The following RALGAPA1 variants were observed in gnomAD, a reference collection of about 807,000 sequenced individuals.
RALGAPA1 encodes the protein ral GTPase-activating protein subunit alpha-1.
A neutral mutation model predicts 269.6 loss-of-function variants in RALGAPA1; 52 were observed. The observed-to-expected ratio is 0.19, with a 90% CI of 0.15 to 0.24. RALGAPA1 has a LOEUF of 0.24. RALGAPA1 is among the 10% of genes least tolerant of loss of function. RALGAPA1 has a pLI of 1.00. For synonymous variants in RALGAPA1, 817 were observed against 1,008.3 expected (o/e 0.81, Z 3.60); for missense variants, 1,917 against 3,013.9 (o/e 0.64, Z 8.52).
At chr14:35,782,307 G>GA (rs1265209655) in intron 1 of RALGAPA1, among the ~76,000 whole-genome samples, 6 of 152,116 alleles carry the variant, frequency 3.9e-5, no homozygotes, top group African/African-American at 1.2e-4. Flanking sequence ...AAACATTACT[G>GA]AAAAAAATTA....
At chr14:35,620,123 C>T (rs954943554) in intron 35 of RALGAPA1, among the ~76,000 whole-genome samples, 4 of 152,208 alleles carry the variant, frequency 2.6e-5, no homozygotes, top group African/African-American at 9.6e-5. Flanking sequence ...GAAATACTGG[C>T]AAACCAAATC....
At chr14:35,592,733 C>T (rs2058712391) in intron 37 of RALGAPA1, among the ~76,000 whole-genome samples, 1 of 152,152 alleles carries the variant, frequency 6.6e-6, no homozygotes, top group African/African-American at 2.4e-5. Context: ...ACCACATTAA[C>T]AGAATAACAG....
intron 16 of RALGAPA1, among the ~76,000 whole-genome samples, chr14:35,713,504 A>C (rs1346709865): frequency 6.6e-6 from 1 of 152,224 alleles, no homozygotes; most frequent in African/African-American, 2.4e-5. Context: ...AATTAATTCT[A>C]AAAACAGTTT....
intron 31 of RALGAPA1, among the ~76,000 whole-genome samples, chr14:35,642,731 G>A (rs550029970): frequency 5.9e-5 from 9 of 152,116 alleles, no homozygotes; most frequent in Admixed American, 5.2e-4. Context: ...ACTTTTACAT[G>A]GTTGGAGTGT....
intron 35 of RALGAPA1, among the ~76,000 whole-genome samples, chr14:35,607,540 G>T (rs2059673155): frequency 1.3e-5 from 2 of 152,208 alleles, no homozygotes; most frequent in African/African-American, 4.8e-5. Context: ...ATAGGGTAGA[G>T]ATTCTGCCAG....
At chr14:35,566,172 A>T (rs1432894771) in intron 39 of RALGAPA1, among the ~76,000 whole-genome samples, 2 of 152,172 alleles carry the variant, frequency 1.3e-5, no homozygotes, top group African/African-American at 4.8e-5. Context: ...AGAAGTTGTA[A>T]GAAAATGCTT....
intron 41 of RALGAPA1, among the ~76,000 whole-genome samples, chr14:35,547,366 A>T (rs893679869): frequency 2.6e-4 from 40 of 152,142 alleles, no homozygotes; most frequent in African/African-American, 9.7e-4. Flanking sequence ...GCAGGATAAC[A>T]TGCAAAATAT....
At chr14:35,627,995 T>C (rs1169411674) in intron 33 of RALGAPA1, 44 bp from the exon 34 acceptor site, 1 of 1,509,596 alleles carries the variant, frequency 6.6e-7, no homozygotes, top group African/African-American at 1.4e-5. Context: ...TGCTGCTTCC[T>C]AGGGAATCAT....
At chr14:35,659,715 G>A (rs1261310548) in intron 27 of RALGAPA1, among the ~76,000 whole-genome samples, 1 of 151,726 alleles carries the variant, frequency 6.6e-6, no homozygotes, top group African/African-American at 2.4e-5. Flanking sequence ...GAATATAGAT[G>A]CAAAAATCCT....
intron 36 of RALGAPA1, among the ~76,000 whole-genome samples, chr14:35,600,374 T>C (rs969847833): frequency 2.6e-5 from 4 of 151,520 alleles, no homozygotes; most frequent in Non-Finnish European, 2.9e-5. Flanking sequence ...GGGATCACAG[T>C]TGCCTGCCAC....
chr14:35,775,779 A>G (rs2074976024), intron 1 of RALGAPA1, 34 bp from the exon 2 acceptor site: 3 of 1,486,496 alleles, frequency 2.0e-6, no homozygotes, highest in Middle Eastern at 3.6e-4. Context: ...GATTATTTAC[A>G]TGTATGTTAA....
chr14:35,683,534 A>AT (rs952427132), intron 21 of RALGAPA1: 48 of 246,204 alleles, frequency 1.9e-4, no homozygotes, highest in East Asian at 3.2e-4. Flanking sequence ...TCCCATTAAA[A>AT]TTTTTTTTTA....
In RALGAPA1 at chr14:35,804,570, A is replaced by AAAATAAAT. The variant is rs71124718; in HGVS notation, c.106+4152_106+4159dup. 4.1e-3 allele frequency among the ~76,000 whole-genome samples: 600 copies of AAAATAAAT among 145,774 alleles called. 5 individuals carry two copies. The highest frequency in any genetic ancestry group is 0.01 in the Middle Eastern group (3 of 286). On this transcript the variant is annotated intron_variant, in intron 1 of 41. Coordinates refer to ENST00000680220, the MANE Select transcript of RALGAPA1 (RefSeq NM_001346249.2). ...GGTGACAGAGTGAGACTCCATCTCA[A>AAAATAAAT]AAATAAATAAATAAATAAATAAATA...
intron 33 of RALGAPA1, among the ~76,000 whole-genome samples, chr14:35,629,199 T>C (rs1316176152): frequency 6.6e-6 from 1 of 152,178 alleles, no homozygotes; most frequent in South Asian, 2.1e-4. Context: ...CTGACTGTTA[T>C]CTTAATGCGT....
intron 16 of RALGAPA1, among the ~76,000 whole-genome samples, chr14:35,711,674 T>C (rs1212106734): frequency 6.6e-6 from 1 of 152,124 alleles, no homozygotes; most frequent in Non-Finnish European, 1.5e-5. Context: ...GGTCTTGAAC[T>C]AGGCTCAAGC....
chr14:35,719,384 C>T (rs2069162549), intron 16 of RALGAPA1, among the ~76,000 whole-genome samples: 1 of 152,090 alleles, frequency 6.6e-6, no homozygotes, highest in Non-Finnish European at 1.5e-5. Flanking sequence ...TAATCTGCTG[C>T]CCCTTTTTAT....
chr14:35,547,785 T>C (rs1459834005), intron 41 of RALGAPA1, among the ~76,000 whole-genome samples: 2 of 152,122 alleles, frequency 1.3e-5, no homozygotes, highest in Non-Finnish European at 2.9e-5. Flanking sequence ...GTTTTGTCTT[T>C]GCTAGGTCTT....
chr14:35,689,176 G>C lies in RALGAPA1; in HGVS notation c.3235C>G (p.Leu1079Val), dbSNP rs566415529. 1.6e-6 allele frequency: 2 copies of C among 1,233,058 alleles called. No homozygotes were observed. The highest frequency in any genetic ancestry group is 2.0e-6 in the Non-Finnish European group (2 of 988,784). 76.4% of individuals were successfully genotyped at this position (1,233,058 alleles called of 1,614,324 possible). The part of the protein sequence containing the change: ...TELDACVDVT[L>V]VEKLKSVQIN... ...TGCACACTCTTAAGCTTTTCAACTA[G>C]TGTTACATCAACACAAGCATCTAAT... Residue 1079 changes from leucine to valine, a missense_variant, in exon 18 of 42, where the codon CTA becomes GTA. By Grantham distance (32) the Leu-to-Val change is conservative (BLOSUM62 1). This residue lies in a region of RALGAPA1 where 615 missense variants were observed against 790.0 expected (regional missense o/e 0.78). Transcript: ENST00000680220.
At chr14:35,806,172 C>T (rs1262091792) in intron 1 of RALGAPA1, among the ~76,000 whole-genome samples, 1 of 152,104 alleles carries the variant, frequency 6.6e-6, no homozygotes, top group African/African-American at 2.4e-5. Flanking sequence ...AATTATTTAA[C>T]AATAAATATT....
Sources: allele counts gnomAD v4.1 joint callset (sites outside exome capture counted in the v4.1 genomes callset), GRCh38; gene constraint gnomAD v4.1.1; regional missense constraint gnomAD v4.1.1; transcripts MANE v1.5; gene names NCBI Gene and HGNC (gene_info 2026-07-23, HGNC 2026-07-21).